MSL2: variants seen among roughly 807,000 people sequenced by gnomAD.
The protein encoded by MSL2 is E3 ubiquitin-protein ligase MSL2.
MSL2 carries 2 observed loss-of-function variants against 35.8 expected under a neutral mutation model. That is an observed-to-expected ratio of 0.06 (90% CI 0.02 to 0.18). The LOEUF is 0.18. Ranked by LOEUF, MSL2 falls within the 10% of genes least tolerant of loss-of-function variation. MSL2 has a pLI of 1.00. For synonymous variants in MSL2, 296 were observed against 255.7 expected (o/e 1.16, Z -1.50); for missense variants, 523 against 706.7 (o/e 0.74, Z 2.95).
chr3:136,155,680 G>A, intron 1 of MSL2: 1 of 490,064 alleles, frequency 2.0e-6, no homozygotes, highest in Non-Finnish European at 4.1e-6. Context: ...AACAAAACCT[G>A]CTGCCTGAAT....
At chr3:136,169,250 G>GGGGGGGGGTGGGGGT (rs1559963929) in intron 1 of MSL2, among the ~76,000 whole-genome samples, 1 of 17,120 alleles carries the variant, frequency 5.8e-5, no homozygotes, top group Non-Finnish European at 1.4e-4. Flanking sequence ...GGGGGGGGGG[G>GGGGGGGGGTGGGGGT]GGTGCTTATT....
chr3:136,177,471 G>C (rs141356286), intron 1 of MSL2, among the ~76,000 whole-genome samples: 2 of 151,750 alleles, frequency 1.3e-5, no homozygotes, highest in Non-Finnish European at 2.9e-5. Flanking sequence ...TCAGGAGATC[G>C]AGACCATCCT....
intron 1 of MSL2, among the ~76,000 whole-genome samples, chr3:136,187,529 G>C (rs1940558723): frequency 6.6e-6 from 1 of 151,956 alleles, no homozygotes; most frequent in South Asian, 2.1e-4. Context: ...AAATTAGCTG[G>C]GTGTGGCGGA....
intron 1 of MSL2, among the ~76,000 whole-genome samples, chr3:136,182,715 CAA>C (rs1173234700): frequency 1.6e-4 from 16 of 102,810 alleles, no homozygotes; most frequent in East Asian, 5.5e-4. Flanking sequence ...GACTCCGTCT[CAA>C]AAAAAAAAAA....
rs1264831265 is a variant in MSL2 at position 136,151,524 on chromosome 3, A to G, written c.1357T>C (p.Tyr453His). 1.2e-6 allele frequency: 2 copies of G among 1,614,088 alleles called. No homozygotes were observed. Among genetic ancestry groups the G allele is most frequent in the Non-Finnish European group, 1.7e-6 (2 of 1,180,052 alleles). The change falls in exon 2 of 2, where the codon TAC becomes CAC. Residue 453 changes from tyrosine to histidine, a missense_variant. Around this residue, in one of 5 missense-constraint regions of MSL2, gnomAD observed 361 missense variants for 414.6 expected, o/e 0.87. Coordinates refer to ENST00000309993, the MANE Select transcript of MSL2 (RefSeq NM_018133.4). This position sits in a 1 kb window ranked among gnomAD's most constrained non-coding sequence, Gnocchi z 5.2. Reference protein sequence around the residue: ...FMPGSPTKTVYKKPQEKKGCK... With the variant: ...FMPGSPTKTVHKKPQEKKGCK... ...CCTTTCTTTTCCTGGGGTTTTTTGT[A>G]CACAGTCTTGGTAGGACTTCCTGGC...
intron 1 of MSL2, among the ~76,000 whole-genome samples, chr3:136,186,779 G>A (rs150244883): frequency 1.3e-5 from 2 of 152,118 alleles, no homozygotes; most frequent in Non-Finnish European, 1.5e-5. Flanking sequence ...AATAATAATA[G>A]AAATAAAGTG....
rs763879165 is a variant in MSL2 at position 136,151,680 on chromosome 3, C to T, written c.1201G>A (p.Val401Ile). 8.1e-6 allele frequency: 13 copies of T among 1,613,930 alleles called. No individual in the cohort carries two copies. In the East Asian group the frequency reaches 2.7e-4, roughly 33 times the overall value. The change falls in exon 2 of 2, where the codon GTA becomes ATA. Residue 401 changes from valine to isoleucine, a missense_variant. Physicochemically the swap from Val to Ile is conservative, Grantham distance 29. Transcript: ENST00000309993. The surrounding 1 kb of genome is among the most constrained non-coding windows in gnomAD (Gnocchi z 5.2). ...GGTTPKISKTVLLSTKSMKKS... is the reference protein window; with the variant it reads ...GGTTPKISKTILLSTKSMKKS... ...TTCATGCTTTTAGTAGATAAAAGTA[C>T]AGTTTTGCTGATTTTAGGTGTTGTG...
chr3:136,162,062 C>T (rs1430318707), intron 1 of MSL2, among the ~76,000 whole-genome samples: 9 of 151,666 alleles, frequency 5.9e-5, no homozygotes, highest in African/African-American at 2.2e-4. Flanking sequence ...CTCAGTCTCC[C>T]GAGTAGCTGG....
chr3:136,194,012 TTAAA>T lies in MSL2; in HGVS notation c.142+956_142+959del, dbSNP rs577602443. Among the ~76,000 whole-genome samples the T allele has an allele frequency of 2.6e-3, 394 of 152,314 alleles. 3 individuals are homozygous for T. Among genetic ancestry groups the T allele is most frequent in the African/African-American group, 7.0e-3 (292 of 41,564 alleles). Reference sequence around the variant, plus strand: ...ATTACTCTTCTTCCTTTATCTACTTTTAAATAAAGTGGAAACCTTAACGTGCCTG... The same window carrying T: ...ATTACTCTTCTTCCTTTATCTACTTTTAAAGTGGAAACCTTAACGTGCCTG... On this transcript the variant is annotated intron_variant, in intron 1 of 1. Coordinates refer to ENST00000309993, the MANE Select transcript of MSL2 (RefSeq NM_018133.4).
chr3:136,191,085 A>G (rs1576378822), intron 1 of MSL2, among the ~76,000 whole-genome samples: 1 of 152,122 alleles, frequency 6.6e-6, no homozygotes, highest in African/African-American at 2.4e-5. Context: ...CCTCACCTCC[A>G]CCCACCATTG....
At chr3:136,157,425 C>T (rs1423594587) in intron 1 of MSL2, among the ~76,000 whole-genome samples, 5 of 152,108 alleles carry the variant, frequency 3.3e-5, no homozygotes, top group African/African-American at 9.7e-5. Flanking sequence ...ACTGCTTGAA[C>T]CTGGGAGGAG....
In MSL2 at chr3:136,195,057, G is replaced by A. The variant is rs914643600; in HGVS notation, c.57C>T (p.Asn19=). The part of the protein sequence containing the change: ...LYISASRLVL[N]YDPGDPKAFT... ...ACGCCTTGGGGTCTCCGGGGTCGTA[G>A]TTGAGCACTAGGCGGCTCGCGGAAA... Residue 19 remains asparagine, a synonymous_variant, in exon 1 of 2, where the codon AAC becomes AAT. Transcript: ENST00000309993. 6.2e-7 allele frequency: 1 copy of A among 1,614,124 alleles called. No individual in the cohort carries two copies. The highest frequency in any genetic ancestry group is 8.5e-7 in the Non-Finnish European group (1 of 1,180,018).
At chr3:136,177,787 AT>A (rs1049655188) in intron 1 of MSL2, among the ~76,000 whole-genome samples, 1 of 152,058 alleles carries the variant, frequency 6.6e-6, no homozygotes, top group African/African-American at 2.4e-5. Flanking sequence ...ACTAAATACC[AT>A]TATATTTGAG....
At chr3:136,175,333 G>A (rs1184829369) in intron 1 of MSL2, among the ~76,000 whole-genome samples, 4 of 143,250 alleles carry the variant, frequency 2.8e-5, no homozygotes, top group Admixed American at 7.0e-5. Flanking sequence ...GACAGAGCAA[G>A]ACTCCGTCTC....
At chr3:136,190,655 G>A (rs987360887) in intron 1 of MSL2, among the ~76,000 whole-genome samples, 7 of 151,932 alleles carry the variant, frequency 4.6e-5, no homozygotes, top group Admixed American at 3.3e-4. Flanking sequence ...ATCCTAACAG[G>A]ATTTTTGATT....
chr3:136,170,500 A>G (rs1327685166), intron 1 of MSL2, among the ~76,000 whole-genome samples: 1 of 144,818 alleles, frequency 6.9e-6, no homozygotes, highest in Non-Finnish European at 1.5e-5. Flanking sequence ...AGGAAAAAAA[A>G]CTCTGTCCTT....
At chr3:136,177,557 T>C (rs1311672024) in intron 1 of MSL2, among the ~76,000 whole-genome samples, 1 of 151,824 alleles carries the variant, frequency 6.6e-6, no homozygotes, top group East Asian at 1.9e-4. Flanking sequence ...TGGGCACCTG[T>C]AGTCCCAGCT....
At chr3:136,170,063 G>T (rs1165185041) in intron 1 of MSL2, among the ~76,000 whole-genome samples, 1 of 141,658 alleles carries the variant, frequency 7.1e-6, no homozygotes, top group Non-Finnish European at 1.5e-5. Context: ...AAAAAAATCA[G>T]CGGGGCGGTG....
chr3:136,170,594 T>C (rs1473923840), intron 1 of MSL2, among the ~76,000 whole-genome samples: 4 of 144,340 alleles, frequency 2.8e-5, no homozygotes, highest in Non-Finnish European at 6.0e-5. Flanking sequence ...GGCTCACTGC[T>C]GCCTCCTGGG....
Sources: allele counts gnomAD v4.1 joint callset (sites outside exome capture counted in the v4.1 genomes callset), GRCh38; gene constraint gnomAD v4.1.1; regional missense constraint gnomAD v4.1.1; non-coding constraint Gnocchi (gnomAD v3.1); transcripts MANE v1.5; gene names NCBI Gene and HGNC (gene_info 2026-07-23, HGNC 2026-07-21).